The following ZFP2 variants were observed in gnomAD, a reference collection of about 807,000 sequenced individuals.
ZFP2 encodes ZFP2 zinc finger protein, also known as zinc finger protein ZFP2.
Under a neutral mutation model 36.1 loss-of-function variants are expected in ZFP2, and 33 were observed. The ratio of observed to expected loss-of-function variants is 0.92; its 90% CI spans 0.69 to 1.22. The LOEUF (loss-of-function observed/expected upper bound fraction) is 1.22, where lower values mean the gene tolerates loss of function less well. ZFP2 is among the 50% of genes most tolerant of loss of function. The pLI, the probability that ZFP2 is intolerant of heterozygous loss-of-function variation, is 0.00. For synonymous variants in ZFP2, 170 were observed against 178.0 expected (o/e 0.96, Z 0.36); for missense variants, 522 against 551.4 (o/e 0.95, Z 0.53).
chr5:178,930,737 A>G (rs77701762), intron 4 of ZFP2, among the ~76,000 whole-genome samples: 10,809 of 152,220 alleles, frequency 0.071, 495 homozygotes, highest in Non-Finnish European at 0.1. Context: ...TCTGACTTTG[A>G]GTCAGCAATC....
intron 1 of ZFP2, among the ~76,000 whole-genome samples, chr5:178,908,963 A>T (rs566248004): frequency 1.6e-4 from 23 of 148,334 alleles, no homozygotes; most frequent in Middle Eastern, 3.8e-3. Context: ...TGGAATACCA[A>T]GTTTAGTGCT....
intron 1 of ZFP2, among the ~76,000 whole-genome samples, chr5:178,903,603 T>C (rs1392116084): frequency 6.6e-6 from 1 of 152,250 alleles, no homozygotes; most frequent in Non-Finnish European, 1.5e-5. Flanking sequence ...GTTTATAATA[T>C]ATTTTGCTAC....
chr5:178,932,553 C>G lies in ZFP2; in HGVS notation c.1240C>G (p.Gln414Glu). ...TGGTGAGAAACCCTATGAATGTGAT[C>G]AGTGTGGAAAAGCCTTCATTAAGAA... is the stretch of plus-strand genomic sequence containing the variant. ...HTGEKPYECD[Q>E]CGKAFIKNSS... The change falls in exon 5 of 5, where the codon CAG (glutamine) becomes GAG (glutamate). Residue 414 changes from glutamine to glutamate, a missense_variant. Gln to Glu is a conservative substitution (Grantham distance 29). Transcript: ENST00000361362. The G allele has an allele frequency of 6.2e-7, 1 of 1,613,892 alleles. No individual in the cohort carries two copies. The highest frequency in any genetic ancestry group is 8.5e-7 in the Non-Finnish European group (1 of 1,179,992).
chr5:178,929,736 G>A (rs1157603027), intron 4 of ZFP2, among the ~76,000 whole-genome samples: 1 of 151,990 alleles, frequency 6.6e-6, no homozygotes, highest in Non-Finnish European at 1.5e-5. Flanking sequence ...TCCATCCTTT[G>A]CCTGTTACCC....
intron 4 of ZFP2, among the ~76,000 whole-genome samples, chr5:178,925,768 A>G (rs1313223496): frequency 6.7e-6 from 1 of 149,264 alleles, no homozygotes; most frequent in Non-Finnish European, 1.5e-5. Context: ...TTATTTTCCA[A>G]GTCTCCATTC....
chr5:178,932,400 T>A lies in ZFP2; in HGVS notation c.1087T>A (p.Phe363Ile), dbSNP rs1430380017. 1 of 1,614,060 alleles carries A rather than the reference T, an allele frequency of 6.2e-7. No individual in the cohort carries two copies. The highest frequency in any genetic ancestry group is 1.1e-5 in the South Asian group (1 of 91,072). The change falls in exon 5 of 5, where the codon TTC becomes ATC. Residue 363 changes from phenylalanine (F) to isoleucine (I), a missense_variant. Transcript: ENST00000361362. ...PYECMVCGKH[F>I]TGRSSLTVHQ... is the part of the protein sequence containing the mutation. ...TGAGTGTATGGTGTGTGGAAAACATTTCACTGGACGATCATCCCTTACCGT... is the reference window on the plus strand; with the variant it reads ...TGAGTGTATGGTGTGTGGAAAACATATCACTGGACGATCATCCCTTACCGT...
chr5:178,906,550 G>A (rs1041383960), intron 1 of ZFP2, among the ~76,000 whole-genome samples: 1 of 149,168 alleles, frequency 6.7e-6, no homozygotes, highest in Non-Finnish European at 1.5e-5. Context: ...TAGAGTTTTT[G>A]TCTTTATTTA....
chr5:178,907,114 A>C (rs2113066460), intron 1 of ZFP2, among the ~76,000 whole-genome samples: 1 of 152,186 alleles, frequency 6.6e-6, no homozygotes, highest in South Asian at 2.1e-4. Context: ...CGTGTGGAGA[A>C]GTCTGGGGAA....
chr5:178,924,634 G>T (rs2113114636), intron 4 of ZFP2, among the ~76,000 whole-genome samples: 1 of 148,696 alleles, frequency 6.7e-6, no homozygotes, highest in African/African-American at 2.4e-5. Context: ...GAGGTCAGGA[G>T]TTCAAGATCA....
intron 4 of ZFP2, among the ~76,000 whole-genome samples, chr5:178,930,597 G>A (rs192290284): frequency 8.6e-5 from 13 of 151,900 alleles, no homozygotes; most frequent in Non-Finnish European, 1.2e-4. Flanking sequence ...CTGAGATTAC[G>A]GCCATGAGCC....
intron 1 of ZFP2, among the ~76,000 whole-genome samples, chr5:178,902,197 C>T (rs1044415672): frequency 6.6e-6 from 1 of 152,122 alleles, no homozygotes; most frequent in African/African-American, 2.4e-5. Flanking sequence ...TGCCATTTTT[C>T]TCTTCCTGTA....
intron 1 of ZFP2, chr5:178,910,148 G>A: frequency 6.9e-7 from 1 of 1,452,632 alleles, no homozygotes; most frequent in Non-Finnish European, 9.7e-7. Flanking sequence ...TTCTGTCACT[G>A]CTGTCTGCAT....
At chr5:178,922,629 C>T in intron 4 of ZFP2, 1 of 1,586,346 alleles carries the variant, frequency 6.3e-7, no homozygotes, top group Non-Finnish European at 8.6e-7. Flanking sequence ...CTCCTGTACG[C>T]TTGGAGCGAC....
intron 1 of ZFP2, chr5:178,909,591 A>G (rs1367741677): frequency 2.0e-6 from 2 of 1,012,744 alleles, no homozygotes; most frequent in African/African-American, 1.6e-5. Flanking sequence ...GATCACCCCA[A>G]CAAAGGTGTG....
At chr5:178,901,348 C>A (rs533166257) in intron 1 of ZFP2, among the ~76,000 whole-genome samples, 3 of 152,316 alleles carry the variant, frequency 2.0e-5, no homozygotes, top group African/African-American at 7.2e-5. Flanking sequence ...TAATAAAGTG[C>A]CACAAATTGA....
At chr5:178,910,634 C>T (rs547689949) in intron 1 of ZFP2, 8 of 404,264 alleles carry the variant, frequency 2.0e-5, no homozygotes, top group Non-Finnish European at 3.4e-5. Flanking sequence ...TCTAGAATGG[C>T]CCCCTCTGGA....
intron 4 of ZFP2, among the ~76,000 whole-genome samples, chr5:178,929,939 C>CGGTGGG (rs1758784214): frequency 1.0e-5 from 1 of 98,830 alleles, no homozygotes; most frequent in Non-Finnish European, 2.5e-5. Flanking sequence ...ATCTGCTTGA[C>CGGTGGG]GGTGGGGGGG....
At chr5:178,918,804 A>G (rs920734942) in intron 4 of ZFP2, among the ~76,000 whole-genome samples, 1 of 152,236 alleles carries the variant, frequency 6.6e-6, no homozygotes, top group Admixed American at 6.5e-5. Flanking sequence ...ATTACATCCA[A>G]GCATAATGCT....
rs1345134112 is a variant in ZFP2 at position 178,931,647 on chromosome 5, A to C, written c.334A>C (p.Ser112Arg). 1 of 1,614,170 alleles carries C rather than the reference A, an allele frequency of 6.2e-7. No individual in the cohort carries two copies. The change falls in exon 5 of 5, where the codon AGT becomes CGT. Residue 112 changes from serine to arginine, a missense_variant. Coordinates refer to ENST00000361362, the MANE Select transcript of ZFP2 (RefSeq NM_030613.4). ...YECNQCSKTF[S>R]QSSSLLKHQR... ...ATGTAATCAGTGCAGCAAAACCTTCAGTCAGAGCTCATCCCTTCTTAAGCA... is the reference window on the plus strand; with the variant it reads ...ATGTAATCAGTGCAGCAAAACCTTCCGTCAGAGCTCATCCCTTCTTAAGCA...
Sources: gnomAD v4.1 joint callset for allele counts (sites outside exome capture counted in the v4.1 genomes callset) on GRCh38, gnomAD v4.1.1 for gene constraint, MANE v1.5 for transcripts, NCBI Gene and HGNC (gene_info 2026-07-23, HGNC 2026-07-21) for gene names.